Variants in PIBF1 observed in about 807,000 individuals in gnomAD.
The protein encoded by PIBF1 is progesterone immunomodulatory binding factor 1, also known as progesterone-induced-blocking factor 1.
A neutral mutation model predicts 112.5 loss-of-function variants in PIBF1; 90 were observed. The ratio of observed to expected loss-of-function variants is 0.80; its 90% CI spans 0.67 to 0.95. The LOEUF (loss-of-function observed/expected upper bound fraction) is 0.95. Ranked by LOEUF, PIBF1 falls within the 40% of genes least tolerant of loss-of-function variation. The pLI is 0.00. For missense variants in PIBF1, 915 were observed against 852.3 expected (o/e 1.07, Z -0.92); for synonymous variants, 301 against 288.6 (o/e 1.04, Z -0.44).
intron 11 of PIBF1, among the ~76,000 whole-genome samples, chr13:72,894,560 C>T (rs1359124988): frequency 6.6e-6 from 1 of 151,470 alleles, no homozygotes; most frequent in Non-Finnish European, 1.5e-5. Context: ...AACATATTTA[C>T]ATAAATTTAA....
intron 10 of PIBF1, among the ~76,000 whole-genome samples, chr13:72,881,373 A>C (rs1371799044): frequency 6.6e-6 from 1 of 152,200 alleles, no homozygotes; most frequent in East Asian, 1.9e-4. Context: ...ATAAATTAAG[A>C]AAGTATTCCC....
intron 9 of PIBF1, among the ~76,000 whole-genome samples, chr13:72,849,661 G>T (rs1175076213): frequency 6.6e-6 from 1 of 152,158 alleles, no homozygotes; most frequent in Non-Finnish European, 1.5e-5. Context: ...GTGCCTTGAG[G>T]TGGTCATGTA....
At chr13:72,893,492 C>T (rs2040140370) in intron 10 of PIBF1, among the ~76,000 whole-genome samples, 1 of 151,902 alleles carries the variant, frequency 6.6e-6, no homozygotes, top group East Asian at 1.9e-4. Context: ...TCATTCTAAG[C>T]AATGTAACTG....
At chr13:72,970,265 C>T (rs2042853838) in intron 15 of PIBF1, among the ~76,000 whole-genome samples, 1 of 152,094 alleles carries the variant, frequency 6.6e-6, no homozygotes, top group African/African-American at 2.4e-5. Flanking sequence ...TTAAATTCTC[C>T]TATCATTAAA....
chr13:72,883,988 T>C (rs2039746870), intron 10 of PIBF1, among the ~76,000 whole-genome samples: 2 of 152,176 alleles, frequency 1.3e-5, no homozygotes, highest in African/African-American at 4.8e-5. Context: ...TATAATTGGA[T>C]TGTTTGTAAC....
intron 11 of PIBF1, among the ~76,000 whole-genome samples, chr13:72,906,783 C>T (rs1284448707): frequency 2.0e-5 from 3 of 152,060 alleles, no homozygotes; most frequent in Non-Finnish European, 4.4e-5. Flanking sequence ...AATCATTTCT[C>T]CTGTTTTTCT....
intron 17 of PIBF1, among the ~76,000 whole-genome samples, chr13:73,012,594 C>A (rs980459651): frequency 2.0e-5 from 3 of 149,196 alleles, no homozygotes; most frequent in Non-Finnish European, 3.0e-5. Flanking sequence ...CAAAAAAAAA[C>A]AAAAAAAACA....
chr13:72,969,058 G>T (rs2138926349), intron 15 of PIBF1, among the ~76,000 whole-genome samples: 1 of 152,004 alleles, frequency 6.6e-6, no homozygotes, highest in East Asian at 1.9e-4. Context: ...AAAATAATGA[G>T]AGTGGTCCTA....
chr13:72,931,740 ATATG>A (rs1555317865), intron 14 of PIBF1, among the ~76,000 whole-genome samples: 4 of 143,674 alleles, frequency 2.8e-5, no homozygotes, highest in African/African-American at 1.0e-4. Flanking sequence ...ATATATATAT[ATATG>A]TATGCATTTT....
intron 16 of PIBF1, among the ~76,000 whole-genome samples, chr13:72,986,873 A>C (rs900714688): frequency 4.6e-5 from 7 of 151,978 alleles, no homozygotes; most frequent in African/African-American, 1.7e-4. Flanking sequence ...TTGTATTTTT[A>C]GTAGAGACAG....
intron 13 of PIBF1, among the ~76,000 whole-genome samples, chr13:72,921,655 G>A (rs1403812348): frequency 6.6e-6 from 1 of 152,000 alleles, no homozygotes; most frequent in African/African-American, 2.4e-5. Flanking sequence ...CCATTTTTGA[G>A]TGCTATATTT....
rs2043771931 is a variant in PIBF1, at chr13:72,998,985, C to G, written c.2213C>G (p.Pro738Arg). Residue 738 changes from proline to arginine, a missense_variant, in exon 17 of 18, where the codon CCA becomes CGA. By Grantham distance (103) the Pro-to-Arg change is moderately radical (BLOSUM62 -2). Transcript: ENST00000326291. ...GAAGACAATATATTTACACCTAAACCAACACTCTTTGTAAGTACAATTTTT... is the reference window on the plus strand; with the variant it reads ...GAAGACAATATATTTACACCTAAACGAACACTCTTTGTAAGTACAATTTTT... ...EHEDNIFTPKPTLFTKKEAPE... is the reference protein window; with the variant it reads ...EHEDNIFTPKRTLFTKKEAPE... The G allele has an allele frequency of 1.3e-6, 2 of 1,581,428 alleles. No homozygotes were observed. Among genetic ancestry groups the G allele is most frequent in the Non-Finnish European group, 1.7e-6 (2 of 1,159,234 alleles).
Position 72,844,758 on chromosome 13 carries a change from C to CACACACACACGGATGAAGTCTTACTGTTT in PIBF1, c.1224-9289_1224-9288insGGATGAAGTCTTACTGTTTACACACACAC, listed in dbSNP as rs2037774215. Among the ~76,000 whole-genome samples, 31 of 125,790 alleles carry CACACACACACGGATGAAGTCTTACTGTTT rather than the reference C, an allele frequency of 2.5e-4. 1 individual carries two copies. In the South Asian group the frequency reaches 2.9e-3, roughly 12 times the overall value. The allele number at this position is 125,790 out of a possible 152,430, so 82.5% of individuals were successfully genotyped here. ...ACACACACACACACACACACACACA[C>CACACACACACGGATGAAGTCTTACTGTTT]ACACACACACACACACACACACACA... On this transcript the variant is annotated intron_variant, in intron 9 of 17. Transcript: ENST00000326291.
chr13:72,941,097 A>G (rs1270253452), intron 14 of PIBF1, among the ~76,000 whole-genome samples: 2 of 152,198 alleles, frequency 1.3e-5, no homozygotes, highest in Non-Finnish European at 2.9e-5. Flanking sequence ...CCACAGCTTG[A>G]AAGCTGTCTC....
At chr13:72,785,536 TA>T (rs1320605859) in intron 2 of PIBF1, among the ~76,000 whole-genome samples, 2 of 152,198 alleles carry the variant, frequency 1.3e-5, no homozygotes, top group Admixed American at 1.3e-4. Flanking sequence ...CTAGGAAGTC[TA>T]AAGCCTATAC....
chr13:73,003,978 G>T (rs1035510954), intron 17 of PIBF1, among the ~76,000 whole-genome samples: 1 of 152,070 alleles, frequency 6.6e-6, no homozygotes, highest in Non-Finnish European at 1.5e-5. Context: ...TAATCTCAAA[G>T]TGCTGGGATT....
At chr13:72,968,733 G>GC (rs1180815439) in intron 15 of PIBF1, among the ~76,000 whole-genome samples, 6 of 151,466 alleles carry the variant, frequency 4.0e-5, no homozygotes, top group Admixed American at 6.6e-5. Flanking sequence ...TGCCCTAGTG[G>GC]CCAATGGCTG....
chr13:72,802,788 G>T (rs912878204), intron 5 of PIBF1, among the ~76,000 whole-genome samples: 8 of 152,114 alleles, frequency 5.3e-5, no homozygotes, highest in Non-Finnish European at 1.2e-4. Flanking sequence ...TTAAAGCCAG[G>T]ATGAGATTAC....
In PIBF1 at chr13:73,016,326, A is replaced by C. The variant is rs1386919025; in HGVS notation, c.*407A>C. The C allele has an allele frequency of 6.6e-6, 1 of 152,378 alleles. No individual in the cohort carries two copies. The highest frequency in any genetic ancestry group is 1.5e-5 in the Non-Finnish European group (1 of 68,170). 9.4% of individuals were successfully genotyped at this position (152,378 alleles called of 1,614,324 possible). A position where few individuals can be genotyped will look rare whatever the true frequency, so the allele number is the denominator to read the frequency against. ...CCACTACGAGGTACTTCAAAAGCCC[A>C]GTAATGGTGGTCAGATACCATGTAG... On this transcript the variant is annotated 3_prime_UTR_variant, in exon 18 of 18. Transcript: ENST00000326291.
Sources: allele counts gnomAD v4.1 joint callset (sites outside exome capture counted in the v4.1 genomes callset), GRCh38; gene constraint gnomAD v4.1.1; transcripts MANE v1.5; gene names NCBI Gene and HGNC (gene_info 2026-07-23, HGNC 2026-07-21).